PMFBP1: variants seen among roughly 807,000 people sequenced by gnomAD.
PMFBP1 encodes polyamine-modulated factor 1-binding protein 1.
A neutral mutation model predicts 137.8 loss-of-function variants in PMFBP1; 131 were observed. The observed-to-expected ratio is 0.95, with a 90% CI of 0.82 to 1.10. PMFBP1 has a LOEUF of 1.10. Among genes scored for constraint, PMFBP1 ranks in the 50% least tolerant of loss-of-function variants. The pLI, the probability that PMFBP1 is intolerant of heterozygous loss-of-function variation, is 0.00. For synonymous variants in PMFBP1, 490 were observed against 450.4 expected (o/e 1.09, Z -1.11); for missense variants, 1,199 against 1,175.4 (o/e 1.02, Z -0.29).
chr16:72,142,905 A>G (rs1465773980), intron 5 of PMFBP1, among the ~76,000 whole-genome samples: 1 of 152,222 alleles, frequency 6.6e-6, no homozygotes, highest in Non-Finnish European at 1.5e-5. Flanking sequence ...AAGCACAAAA[A>G]TTTAGGCCAT....
chr16:72,119,393 G>A (rs2042342616), intron 20 of PMFBP1, 39 bp from the exon 21 acceptor site: 2 of 1,614,044 alleles, frequency 1.2e-6, no homozygotes, highest in South Asian at 1.1e-5. Context: ...TTGATTCGAG[G>A]AGAAATTAAC....
chr16:72,197,000 C>T, the PMFBP1 span, among the ~76,000 whole-genome samples: 2 of 152,164 alleles, frequency 1.3e-5, no homozygotes, highest in Admixed American at 1.3e-4. Context: ...GGTCTGAGGT[C>T]CCCTTGGGAA....
the PMFBP1 span, among the ~76,000 whole-genome samples, chr16:72,219,150 ACTCT>A: frequency 1.3e-5 from 2 of 152,132 alleles, no homozygotes; most frequent in Admixed American, 6.5e-5. Context: ...ACTTAAAATG[ACTCT>A]CTCAGCAATT....
In PMFBP1 at chr16:72,125,964, T is replaced by G. The variant is rs773091476; in HGVS notation, c.2253+4A>C. On this transcript the variant is annotated splice_donor_region_variant and intron_variant, in intron 15 of 20. Coordinates refer to ENST00000237353, the MANE Select transcript of PMFBP1 (RefSeq NM_031293.3). ...GCCCTGGAGACTAGAGGGTGTGGCC[T>G]CACCTTCTCGAGGGCTTGTGTCAGG... 3.7e-6 allele frequency: 6 copies of G among 1,613,870 alleles called. No individual in the cohort carries two copies. The Admixed American group carries it at 1.0e-4, about 27-fold the overall frequency.
chr16:72,152,014 T>G (rs1423210927), intron 4 of PMFBP1, among the ~76,000 whole-genome samples: 2 of 152,114 alleles, frequency 1.3e-5, no homozygotes, highest in Non-Finnish European at 2.9e-5. Context: ...TCTCCCAGAG[T>G]TCCCCAGAGG....
chr16:72,149,553 T>C (rs1226827443), intron 5 of PMFBP1, among the ~76,000 whole-genome samples: 1 of 152,216 alleles, frequency 6.6e-6, no homozygotes, highest in Non-Finnish European at 1.5e-5. Context: ...CTGGGCACGG[T>C]GGCTCACGCC....
In PMFBP1 at chr16:72,128,758, C is replaced by T; in HGVS notation, c.1987G>A (p.Glu663Lys). 1 of 1,614,176 alleles carries T rather than the reference C, an allele frequency of 6.2e-7. No individual in the cohort carries two copies. Among genetic ancestry groups the T allele is most frequent in the Non-Finnish European group, 8.5e-7 (1 of 1,180,032 alleles). ...CACTGTAGCTCTGCTCGGAGATTCT[C>T]ATTTTCTTCCTCCAACTTTCTGGAA... is the stretch of plus-strand genomic sequence containing the variant. ...ENSRKLEEEN[E>K]NLRAELQCCS... The change falls in exon 14 of 21, where the codon GAG (glutamate) becomes AAG (lysine). Residue 663 changes from glutamate to lysine, a missense_variant. Glu to Lys is a moderately conservative substitution (Grantham distance 56). Coordinates refer to ENST00000237353, the MANE Select transcript of PMFBP1 (RefSeq NM_031293.3).
upstream of PMFBP1, chr16:72,173,971 T>A (rs2043243794): frequency 6.6e-6 from 1 of 152,284 alleles, no homozygotes; most frequent in Non-Finnish European, 1.5e-5. Flanking sequence ...CATTTCTTCA[T>A]GCCTTGTCTA....
chr16:72,151,274 G>A (rs934414623), intron 4 of PMFBP1, among the ~76,000 whole-genome samples: 6 of 152,180 alleles, frequency 3.9e-5, no homozygotes, highest in Non-Finnish European at 4.4e-5. Context: ...GATAGGTGGG[G>A]AACATGACCC....
At chr16:72,127,817 G>A (rs2042484706) in intron 14 of PMFBP1, among the ~76,000 whole-genome samples, 1 of 152,168 alleles carries the variant, frequency 6.6e-6, no homozygotes, top group Non-Finnish European at 1.5e-5. Context: ...CATCATCACA[G>A]AAAGGCAGCA....
the PMFBP1 span, among the ~76,000 whole-genome samples, chr16:72,244,825 C>T: frequency 3.3e-5 from 5 of 152,206 alleles, no homozygotes; most frequent in African/African-American, 7.2e-5. Flanking sequence ...AGCCACTTCC[C>T]TTCTTGATTC....
At chr16:72,223,628 G>A in the PMFBP1 span, among the ~76,000 whole-genome samples, 2 of 152,204 alleles carry the variant, frequency 1.3e-5, no homozygotes, top group East Asian at 3.8e-4. Context: ...CTAGGTAGCA[G>A]GTCACCTGCC....
chr16:72,130,517 G>T lies in PMFBP1; in HGVS notation c.1637+16C>A. ...TGACAGAACCTCTCTCTGGAGGGGA[G>T]CCTGAGCCTGGGCACCTGTTGGAGG... On this transcript the variant is annotated intron_variant, in intron 11 of 20. Transcript: ENST00000237353. 6.2e-7 allele frequency: 1 copy of T among 1,613,790 alleles called. No individual in the cohort carries two copies. The highest frequency in any genetic ancestry group is 8.5e-7 in the Non-Finnish European group (1 of 1,179,816).
chr16:72,128,723 T>G lies in PMFBP1; in HGVS notation c.2022A>C (p.Thr674=), dbSNP rs2042500593. The change falls in exon 14 of 21, where the codon ACA becomes ACC. Residue 674 remains threonine, a synonymous_variant. Transcript: ENST00000237353. ...NLRAELQCCS[T]QLESSLNKYN... ...ATTTGTTGAGAGAGGATTCCAGTTG[T>G]GTAGAACAACACTGTAGCTCTGCTC... 6.2e-7 allele frequency: 1 copy of G among 1,614,084 alleles called. No homozygotes were observed. Among genetic ancestry groups the G allele is most frequent in the Admixed American group, 1.7e-5 (1 of 60,002 alleles).
intron 20 of PMFBP1, 76 bp from the exon 21 acceptor site, chr16:72,119,430 A>G: frequency 6.2e-7 from 1 of 1,612,488 alleles, no homozygotes; most frequent in Non-Finnish European, 8.5e-7. Flanking sequence ...GGCTGGCCGC[A>G]TGGCCAGGCA....
chr16:72,183,337 C>T, the PMFBP1 span, among the ~76,000 whole-genome samples: 1 of 152,134 alleles, frequency 6.6e-6, no homozygotes, highest in Non-Finnish European at 1.5e-5. Context: ...GGCTGGGAGT[C>T]CAAGATCAAG....
intron 5 of PMFBP1, among the ~76,000 whole-genome samples, chr16:72,145,225 A>G (rs2042787065): frequency 6.6e-6 from 1 of 152,162 alleles, no homozygotes; most frequent in Non-Finnish European, 1.5e-5. Context: ...GGATTAAGAA[A>G]CTCACTCAAA....
the PMFBP1 span, among the ~76,000 whole-genome samples, chr16:72,202,051 A>G: frequency 1.3e-5 from 2 of 152,228 alleles, no homozygotes; most frequent in Admixed American, 1.3e-4. Context: ...ACTTTTATTC[A>G]TCTCCCTGTG....
chr16:72,136,887 C>G, intron 7 of PMFBP1, 68 bp from the exon 8 acceptor site: 1 of 1,595,318 alleles, frequency 6.3e-7, no homozygotes, highest in Non-Finnish European at 8.5e-7. Flanking sequence ...CTAAAATGCC[C>G]AGCATCCACA....
Sources: gnomAD v4.1 joint callset for allele counts (sites outside exome capture counted in the v4.1 genomes callset) on GRCh38, gnomAD v4.1.1 for gene constraint, MANE v1.5 for transcripts, NCBI Gene and HGNC (gene_info 2026-07-23, HGNC 2026-07-21) for gene names.